SLC35A3: variants seen among roughly 807,000 people sequenced by gnomAD.
SLC35A3 encodes the protein UDP-N-acetylglucosamine transporter.
SLC35A3 carries 26 observed loss-of-function variants against 39.0 expected under a neutral mutation model. That is an observed-to-expected ratio of 0.67 (90% CI 0.49 to 0.92). The LOEUF (loss-of-function observed/expected upper bound fraction) is 0.92. Among genes scored for constraint, SLC35A3 ranks in the 40% least tolerant of loss-of-function variants. SLC35A3 has a pLI of 0.00. For missense variants in SLC35A3, 299 were observed against 371.6 expected (o/e 0.80, Z 1.61); for synonymous variants, 135 against 133.1 (o/e 1.01, Z -0.10).
rs1292350409 is a variant in SLC35A3 at position 99,999,314 on chromosome 1, C to A, written c.241C>A (p.Pro81Thr). Residue 81 changes from proline (P) to threonine (T), a missense_variant, in exon 3 of 8, where the codon CCT (proline) becomes ACT (threonine). Coordinates refer to ENST00000533028, the MANE Select transcript of SLC35A3 (RefSeq NM_012243.3). ...RVLHDEILNK[P>T]METLKLAIPS... Reference sequence around the variant, plus strand: ...ACTACATGATGAAATTCTTAATAAACCTATGGAAACACTTAAACTTGCTAT... The same window carrying A: ...ACTACATGATGAAATTCTTAATAAAACTATGGAAACACTTAAACTTGCTAT... 6.3e-7 allele frequency: 1 copy of A among 1,596,794 alleles called. No homozygotes were observed. The highest frequency in any genetic ancestry group is 8.5e-7 in the Non-Finnish European group (1 of 1,170,578).
chr1:99,980,304 C>G (rs750819084), intron 1 of SLC35A3, among the ~76,000 whole-genome samples: 23 of 151,938 alleles, frequency 1.5e-4, no homozygotes, highest in Non-Finnish European at 2.8e-4. Context: ...GTGACCATAA[C>G]AGAATGAGGT....
rs550293039 is a variant in SLC35A3, at chr1:100,025,849, A to T, written c.*3373A>T. The T allele has an allele frequency of 6.6e-6, 1 of 152,320 alleles. No individual in the cohort carries two copies. Among genetic ancestry groups the T allele is most frequent in the South Asian group, 2.1e-4 (1 of 4,832 alleles). 9.4% of individuals were successfully genotyped at this position (152,320 alleles called of 1,614,324 possible). The stretch of plus-strand genomic sequence containing the variant: ...TGCTAACTCATGGGAGAAGAGTGCC[A>T]ATTGATAGTTCTTTTAGCAATTAAG... On this transcript the variant is annotated 3_prime_UTR_variant, in exon 8 of 8. Coordinates refer to ENST00000533028, the MANE Select transcript of SLC35A3 (RefSeq NM_012243.3).
chr1:99,974,614 T>A (rs1657009797), intron 1 of SLC35A3, among the ~76,000 whole-genome samples: 1 of 152,140 alleles, frequency 6.6e-6, no homozygotes, highest in South Asian at 2.1e-4. Context: ...ACTGGTGTGA[T>A]CAGTCCATAG....
rs1226959132 is a variant in SLC35A3 at position 100,024,550 on chromosome 1, CAA to C, written c.*2087_*2088del. ...TGGGTGACAGAGCGAGACTCCGTCT[CAA>C]AAAAAAAAAAAAGAAAACACACACA... On this transcript the variant is annotated 3_prime_UTR_variant, in exon 8 of 8. Transcript: ENST00000533028. 8.7e-4 allele frequency: 77 copies of C among 88,488 alleles called. No homozygotes were observed. Among genetic ancestry groups the C allele is most frequent in the East Asian group, 2.0e-3 (8 of 4,008 alleles). 5.5% of individuals were successfully genotyped at this position (88,488 alleles called of 1,614,324 possible).
intron 5 of SLC35A3, 31 bp downstream of exon 5, chr1:100,011,564 T>A (rs1659640196): frequency 2.3e-6 from 2 of 865,240 alleles, no homozygotes; most frequent in Non-Finnish European, 3.3e-6. Flanking sequence ...AATATTATTT[T>A]AAAAATGATT....
At chr1:100,006,997 A>G (rs895733014) in intron 3 of SLC35A3, 37 bp from the exon 4 acceptor site, 25 of 1,559,420 alleles carry the variant, frequency 1.6e-5, no homozygotes, top group South Asian at 3.6e-5. Flanking sequence ...ACAAACAAAC[A>G]AACGAACATT....
At chr1:100,017,404 G>A (rs1230880490) in intron 6 of SLC35A3, among the ~76,000 whole-genome samples, 1 of 152,110 alleles carries the variant, frequency 6.6e-6, no homozygotes, top group South Asian at 2.1e-4. Context: ...TACTAAATTG[G>A]ATAATGATAG....
chr1:100,008,009 T>C (rs1051020340), intron 4 of SLC35A3: 1 of 150,860 alleles, frequency 6.6e-6, no homozygotes. Context: ...TGGAAGGCAG[T>C]GGTACAATCT....
chr1:99,992,068 A>C (rs1658121457), intron 1 of SLC35A3, among the ~76,000 whole-genome samples: 1 of 152,124 alleles, frequency 6.6e-6, no homozygotes, highest in Non-Finnish European at 1.5e-5. Context: ...TTTTTTGTCT[A>C]CCATGGTAAT....
chr1:99,983,620 ATATAT>A (rs1313674922), intron 1 of SLC35A3, among the ~76,000 whole-genome samples: 1 of 151,822 alleles, frequency 6.6e-6, no homozygotes, highest in Admixed American at 6.6e-5. Flanking sequence ...CAATAGGGAA[ATATAT>A]TATTTAATTT....
In SLC35A3 at chr1:100,022,630, A is replaced by G. The variant is rs1570633549; in HGVS notation, c.*154A>G. The G allele has an allele frequency of 2.3e-6, 1 of 430,918 alleles. No homozygotes were observed. The highest frequency in any genetic ancestry group is 4.2e-6 in the Non-Finnish European group (1 of 240,486). 26.7% of individuals were successfully genotyped at this position (430,918 alleles called of 1,614,324 possible). ...AAGTTTAAGGATAAGACATGTGTAT[A>G]TGTAACAAAACACATTGCATCTAGA... is the stretch of plus-strand genomic sequence containing the variant. On this transcript the variant is annotated 3_prime_UTR_variant, in exon 8 of 8. Coordinates refer to ENST00000533028, the MANE Select transcript of SLC35A3 (RefSeq NM_012243.3).
At chr1:99,990,760 G>T (rs1367682034) in intron 1 of SLC35A3, among the ~76,000 whole-genome samples, 1 of 152,100 alleles carries the variant, frequency 6.6e-6, no homozygotes, top group Admixed American at 6.5e-5. Flanking sequence ...TTCACATGTT[G>T]AAATCCTAAC....
At chr1:100,007,427 T>C (rs1659320110) in intron 4 of SLC35A3, 1 of 233,866 alleles carries the variant, frequency 4.3e-6, no homozygotes, top group Non-Finnish European at 8.1e-6. Context: ...AGAAAGTTGA[T>C]TTTTGCTGGA....
In SLC35A3 at chr1:99,973,836, G is replaced by A. The variant is rs180690816; in HGVS notation, c.-19+3674G>A. ...TTAAGACCAGCCTGACCAGCATGGTGAAACCCTGTCTCTACTAAAAATACA... is the reference window on the plus strand; with the variant it reads ...TTAAGACCAGCCTGACCAGCATGGTAAAACCCTGTCTCTACTAAAAATACA... On this transcript the variant is annotated intron_variant, in intron 1 of 7. Coordinates refer to ENST00000533028, the MANE Select transcript of SLC35A3 (RefSeq NM_012243.3). Among the ~76,000 whole-genome samples, 727 of 152,274 alleles carry A rather than the reference G, an allele frequency of 4.8e-3. 8 individuals are homozygous for A. The highest frequency in any genetic ancestry group is 0.017 in the African/African-American group (690 of 41,542).
intron 1 of SLC35A3, among the ~76,000 whole-genome samples, chr1:99,991,801 T>C (rs1488796762): frequency 6.6e-6 from 1 of 152,182 alleles, no homozygotes; most frequent in Admixed American, 6.5e-5. Flanking sequence ...CAGGCTAGAG[T>C]GCAGTGGCAT....
At chr1:99,989,698 T>A (rs1323626659) in intron 1 of SLC35A3, among the ~76,000 whole-genome samples, 1 of 152,240 alleles carries the variant, frequency 6.6e-6, no homozygotes, top group African/African-American at 2.4e-5. Context: ...TGAGAATATT[T>A]TCTCCCATAA....
chr1:99,991,941 GT>G (rs1328939213), intron 1 of SLC35A3, among the ~76,000 whole-genome samples: 1 of 151,840 alleles, frequency 6.6e-6, no homozygotes, highest in Non-Finnish European at 1.5e-5. Context: ...TAGAGACGAG[GT>G]TTCACCATGT....
At chr1:99,994,834 C>G (rs1046470156) in intron 2 of SLC35A3, among the ~76,000 whole-genome samples, 1 of 152,090 alleles carries the variant, frequency 6.6e-6, no homozygotes, top group African/African-American at 2.4e-5. Flanking sequence ...AGTAGAATTG[C>G]TAGGTCATAT....
rs935323611 is a variant in SLC35A3 at position 100,033,035 on chromosome 1, G to A, written c.*10559G>A. 6.6e-6 allele frequency: 1 copy of A among 152,190 alleles called. No individual in the cohort carries two copies. The allele number at this position is 152,190 out of a possible 1,614,324, so 9.4% of individuals were successfully genotyped here. The stretch of plus-strand genomic sequence containing the variant: ...TTTTTCTTTGGAGTCCTTCTAGCCA[G>A]TGAATGGAATTTATTATAGAATCCA... On this transcript the variant is annotated 3_prime_UTR_variant, in exon 8 of 8. Coordinates refer to ENST00000533028, the MANE Select transcript of SLC35A3 (RefSeq NM_012243.3).
Sources: allele counts gnomAD v4.1 joint callset (sites outside exome capture counted in the v4.1 genomes callset), GRCh38; gene constraint gnomAD v4.1.1; transcripts MANE v1.5; gene names NCBI Gene and HGNC (gene_info 2026-07-23, HGNC 2026-07-21).